The following DDX27 variants were observed in gnomAD, a reference collection of about 807,000 sequenced individuals.
DDX27 encodes the protein probable ATP-dependent RNA helicase DDX27.
DDX27 carries 42 observed loss-of-function variants against 99.3 expected under a neutral mutation model. The observed-to-expected ratio is 0.42, with a 90% CI of 0.33 to 0.55. The LOEUF (loss-of-function observed/expected upper bound fraction) is 0.55, where lower values mean the gene tolerates loss of function less well. DDX27 is among the 20% of genes least tolerant of loss of function. The probability of loss-of-function intolerance (pLI) is 0.07; values close to 1 mark genes in which losing one functional copy is unlikely to be tolerated. For synonymous variants in DDX27, 329 were observed against 353.8 expected, an observed-to-expected ratio of 0.93 and a Z score of 0.79; for missense variants, 798 against 976.8, an observed-to-expected ratio of 0.82 and a Z score of 2.44.
At chr20:49,233,269 C>A in intron 9 of DDX27, 37 bp from the exon 10 acceptor site, 1 of 1,539,674 alleles carries the variant, frequency 6.5e-7, no homozygotes, top group Non-Finnish European at 9.0e-7. Context: ...CCGAAGAGCA[C>A]TCTCTCCATT....
At chr20:49,224,763 C>T in intron 4 of DDX27, 182 bp from the exon 5 acceptor site, 1 of 636,778 alleles carries the variant, frequency 1.6e-6, no homozygotes. Context: ...TTAGCTTTCT[C>T]TCTGACCTTA....
At chr20:49,234,848 A>AG in intron 11 of DDX27, 87 bp from the exon 12 acceptor site, 3 of 1,458,812 alleles carry the variant, frequency 2.1e-6, no homozygotes, top group Non-Finnish European at 2.8e-6. Context: ...TGCCAGGCAC[A>AG]GTGACCATAC....
intron 7 of DDX27, among the ~76,000 whole-genome samples, chr20:49,227,718 G>A (rs943301410): frequency 6.6e-6 from 1 of 152,102 alleles, no homozygotes; most frequent in African/African-American, 2.4e-5. Flanking sequence ...AGGATGTCCG[G>A]TCTAGTAGTG....
At chr20:49,237,403 G>T (rs1486931375) in intron 14 of DDX27, among the ~76,000 whole-genome samples, 10 of 152,192 alleles carry the variant, frequency 6.6e-5, no homozygotes, top group Admixed American at 6.5e-4. Flanking sequence ...CTGTGTCAAA[G>T]AGCTCACCAC....
chr20:49,233,837 C>A, intron 11 of DDX27, 128 bp downstream of exon 11: 1 of 1,043,636 alleles, frequency 9.6e-7, no homozygotes, highest in Non-Finnish European at 1.4e-6. Flanking sequence ...AGAGGCTGCA[C>A]TGCACTAATG....
At chr20:49,240,308 T>C (rs926472626) in intron 16 of DDX27, among the ~76,000 whole-genome samples, 13 of 152,216 alleles carry the variant, frequency 8.5e-5, no homozygotes, top group African/African-American at 3.1e-4. Flanking sequence ...ACAGATTTCC[T>C]CTCCATCTCC....
rs1403906799 is a variant in DDX27 at position 49,235,746 on chromosome 20, A to AT, written c.1428-389dup. The AT allele has an allele frequency of 6.8e-3, 976 of 143,368 alleles. 4 individuals are homozygous for AT. The highest frequency in any genetic ancestry group is 0.015 in the East Asian group (74 of 4,950). The allele number at this position is 143,368 out of a possible 1,614,324, so 8.9% of individuals were successfully genotyped here. A position where few individuals can be genotyped will look rare whatever the true frequency, so the allele number is the denominator to read the frequency against. ...GTGCTCACATTTAGAATCTATCCCT[A>AT]TTTTTTTTTTTTTTTGAGACGGAGT... On this transcript the variant is annotated intron_variant, in intron 12 of 20. Coordinates refer to ENST00000618172, the MANE Select transcript of DDX27 (RefSeq NM_017895.8).
At chr20:49,219,979 G>A (rs1224934627) in intron 1 of DDX27, among the ~76,000 whole-genome samples, 1 of 152,174 alleles carries the variant, frequency 6.6e-6, no homozygotes, top group East Asian at 1.9e-4. Context: ...AACAAGGTGA[G>A]TGCCACTCTC....
chr20:49,236,622 C>A lies in DDX27; in HGVS notation c.1687+112C>A. 9.2e-7 allele frequency: 1 copy of A among 1,092,284 alleles called. No homozygotes were observed. The highest frequency in any genetic ancestry group is 1.2e-6 in the Non-Finnish European group (1 of 817,998). 67.7% of individuals were successfully genotyped at this position (1,092,284 alleles called of 1,614,324 possible). On this transcript the variant is annotated intron_variant, in intron 14 of 20. Coordinates refer to ENST00000618172, the MANE Select transcript of DDX27 (RefSeq NM_017895.8). This position sits in a 1 kb window ranked among gnomAD's most constrained non-coding sequence, Gnocchi z 4.1. ...GTTCAGAGCCAGATTTGAATTCCAG[C>A]CCTGCTGCTTCCTTGCCGAGTGACC...
intron 2 of DDX27, among the ~76,000 whole-genome samples, chr20:49,222,235 C>T (rs779714386): frequency 3.3e-5 from 5 of 151,884 alleles, no homozygotes; most frequent in South Asian, 4.2e-4. Context: ...TGGGTTTAAG[C>T]GATTCTTGTG....
At position 49,221,523 on chromosome 20, in the gene DDX27, C is replaced by A; in HGVS notation, c.165C>A (p.Phe55Leu). The change falls in exon 2 of 21, where the codon TTC becomes TTA. Residue 55 changes from phenylalanine (F) to leucine (L), a missense_variant. Phe to Leu is a conservative substitution (Grantham distance 22, BLOSUM62 0). Coordinates refer to ENST00000618172, the MANE Select transcript of DDX27 (RefSeq NM_017895.8). ...KNRSADFNPD[F>L]VFTEKEGTYD... ...GCAGTGCTGATTTCAACCCTGATTT[C>A]GTTTTCACTGAGAAGGAGGGGACGT... The A allele has an allele frequency of 6.2e-7, 1 of 1,613,738 alleles. No individual in the cohort carries two copies. The highest frequency in any genetic ancestry group is 8.5e-7 in the Non-Finnish European group (1 of 1,179,922).
At chr20:49,233,513 C>T in intron 10 of DDX27, 55 bp from the exon 11 acceptor site, 9 of 1,602,522 alleles carry the variant, frequency 5.6e-6, no homozygotes, top group Non-Finnish European at 7.7e-6. Flanking sequence ...GCACTGCTTC[C>T]TCCTTCCCTA....
rs149038314 is a variant in DDX27 at position 49,242,941 on chromosome 20, C to T, written c.2204+260C>T. On this transcript the variant is annotated intron_variant, in intron 19 of 20. Transcript: ENST00000618172. Reference sequence around the variant, plus strand: ...TTCACCATGTTTGCCAGGATGGTCTCGATCTCTTGACCTCCTGATCCACCC... The same window carrying T: ...TTCACCATGTTTGCCAGGATGGTCTTGATCTCTTGACCTCCTGATCCACCC... 7.1e-3 allele frequency among the ~76,000 whole-genome samples: 1,075 copies of T among 152,092 alleles called. 7 individuals are homozygous for T. Among genetic ancestry groups the T allele is most frequent in the Non-Finnish European group, 0.01 (704 of 67,980 alleles).
At chr20:49,232,924 CA>C (rs567304526) in intron 9 of DDX27, 2,102 of 117,670 alleles carry the variant, frequency 0.018, 2 homozygotes, top group South Asian at 0.077. Context: ...AACTCCATCT[CA>C]AAAAAAAAAA....
At chr20:49,233,759 A>G in intron 11 of DDX27, 50 bp downstream of exon 11, 1 of 1,593,152 alleles carries the variant, frequency 6.3e-7, no homozygotes, top group Non-Finnish European at 8.6e-7. Flanking sequence ...AGCTTCCTTG[A>G]GCTCGTAGTA....
rs541735267 is a variant in DDX27, at chr20:49,221,744, A to G, written c.240+146A>G. ...TTTGAAAATAACTGGTTAAAAAAAA[A>G]CAAAAGAAAATATCTGGTATACTTT... On this transcript the variant is annotated intron_variant, in intron 2 of 20. Transcript: ENST00000618172. The G allele has an allele frequency of 7.9e-6, 5 of 632,246 alleles. No homozygotes were observed. In the African/African-American group the frequency reaches 9.5e-5, roughly 12 times the overall value. 39.2% of individuals were successfully genotyped at this position (632,246 alleles called of 1,614,324 possible).
chr20:49,222,870 C>G (rs909560343), intron 2 of DDX27, 87 bp from the exon 3 acceptor site: 25 of 1,211,966 alleles, frequency 2.1e-5, no homozygotes, highest in Non-Finnish European at 2.7e-5. Flanking sequence ...AAAATTTTTT[C>G]TTTTTCAAGT....
intron 14 of DDX27, among the ~76,000 whole-genome samples, chr20:49,237,447 T>G (rs1161285715): frequency 1.3e-5 from 2 of 152,226 alleles, no homozygotes; most frequent in Non-Finnish European, 2.9e-5. Context: ...TTTCAAACCA[T>G]TTTTCCTTTC....
chr20:49,243,688 TTAAATC>T lies in DDX27; in HGVS notation c.2271_2276del (p.Lys758_Ser759del), dbSNP rs764214921. 4.3e-6 allele frequency: 7 copies of T among 1,614,060 alleles called. No homozygotes were observed. The highest frequency in any genetic ancestry group is 2.2e-5 in the East Asian group (1 of 44,888). ...CCCCACCAGAGACGAGGAGGAAACT[TTAAATC>T]TAAATCCAGGTGATACTGGCTGTTT... On this transcript the variant is annotated inframe_deletion, in exon 20 of 21. Coordinates refer to ENST00000618172, the MANE Select transcript of DDX27 (RefSeq NM_017895.8).
Sources: gnomAD v4.1 joint callset for allele counts (sites outside exome capture counted in the v4.1 genomes callset) on GRCh38, gnomAD v4.1.1 for gene constraint, Gnocchi (gnomAD v3.1) non-coding constraint, MANE v1.5 for transcripts, NCBI Gene and HGNC (gene_info 2026-07-23, HGNC 2026-07-21) for gene names.